Variants in UNC80 observed in about 807,000 individuals in gnomAD.
The protein encoded by UNC80 is unc-80 subunit of NALCN channel complex, also known as protein unc-80 homolog.
Under a neutral mutation model 384.6 loss-of-function variants are expected in UNC80, and 164 were observed. The observed-to-expected ratio is 0.43, with a 90% CI of 0.38 to 0.49. The LOEUF is 0.49. Ranked by LOEUF, UNC80 falls within the 20% of genes least tolerant of loss-of-function variation. The pLI is 0.00. For synonymous variants in UNC80, 1,486 were observed against 1,527.8 expected (o/e 0.97, Z 0.64); for missense variants, 3,330 against 4,143.0 (o/e 0.80, Z 5.39).
rs114792805 is a variant in UNC80, at chr2:209,974,197, G to C, written c.8587+927G>C. Among the ~76,000 whole-genome samples, 1,502 of 152,254 alleles carry C rather than the reference G, an allele frequency of 9.9e-3. 22 individuals carry two copies. The highest frequency in any genetic ancestry group is 0.035 in the African/African-American group (1,445 of 41,528). ...AACACACTGATGAAAATGAGTCCTT[G>C]GAGTTTGGAGTATGGAGGGGTGTTT... On this transcript the variant is annotated intron_variant, in intron 56 of 64. Transcript: ENST00000673920.
chr2:209,850,357 AG>A (rs1243168294), intron 22 of UNC80, among the ~76,000 whole-genome samples: 1 of 152,142 alleles, frequency 6.6e-6, no homozygotes, highest in East Asian at 1.9e-4. Flanking sequence ...CAGGAAAAAA[AG>A]TATTTTATTT....
At chr2:209,904,170 A>G (rs1440041208) in intron 28 of UNC80, among the ~76,000 whole-genome samples, 1 of 152,250 alleles carries the variant, frequency 6.6e-6, no homozygotes, top group Non-Finnish European at 1.5e-5. Context: ...ATTTTGATTT[A>G]GCTACAAGAG....
At chr2:209,971,180 C>T (rs1199129875) in intron 54 of UNC80, among the ~76,000 whole-genome samples, 4 of 152,110 alleles carry the variant, frequency 2.6e-5, no homozygotes, top group Non-Finnish European at 5.9e-5. Context: ...TCATTTAGTC[C>T]TGCCACAACT....
At chr2:209,884,233 T>TC in intron 25 of UNC80, among the ~76,000 whole-genome samples, 1 of 152,336 alleles carries the variant, frequency 6.6e-6, no homozygotes, top group Non-Finnish European at 1.5e-5. Flanking sequence ...CTAAAATGTT[T>TC]CCCAGTTGAA....
intron 4 of UNC80, among the ~76,000 whole-genome samples, chr2:209,784,944 T>G (rs763995946): frequency 6.6e-6 from 1 of 152,200 alleles, no homozygotes; most frequent in South Asian, 2.1e-4. Flanking sequence ...GCCTTTAGGT[T>G]TCTTTTCACT....
chr2:209,911,208 T>G (rs1376566542), intron 29 of UNC80, among the ~76,000 whole-genome samples: 1 of 152,118 alleles, frequency 6.6e-6, no homozygotes, highest in Non-Finnish European at 1.5e-5. Context: ...GTTTTTAGTA[T>G]CTTGACTCTT....
At position 209,784,411 on chromosome 2, in the gene UNC80, ATATTAT is replaced by A. The variant is rs139428172; in HGVS notation, c.601-1653_601-1648del. On this transcript the variant is annotated intron_variant, in intron 4 of 64. Transcript: ENST00000673920. Reference sequence around the variant, plus strand: ...TCCTTATCAAGACCTATCAGGCAGTATATTATTTGACACTCAATGACTTCTCCAATT... The same window carrying A: ...TCCTTATCAAGACCTATCAGGCAGTATTGACACTCAATGACTTCTCCAATT... Among the ~76,000 whole-genome samples, 1,046 of 152,234 alleles carry A rather than the reference ATATTAT, an allele frequency of 6.9e-3. 4 individuals carry two copies. The highest frequency in any genetic ancestry group is 0.012 in the Non-Finnish European group (792 of 67,998).
In UNC80 at chr2:209,842,323, TACTTTCC is replaced by T; in HGVS notation, c.3358-26_3358-20del. On this transcript the variant is annotated intron_variant, in intron 20 of 64. Transcript: ENST00000673920. ...GATTTACCTTTGAATCTTATCTCTCTACTTTCCTTTTTTTTTCTTTTTTCAGGTCAAA... is the reference window on the plus strand; with the variant it reads ...GATTTACCTTTGAATCTTATCTCTCTTTTTTTTTTCTTTTTTCAGGTCAAA... The T allele has an allele frequency of 6.7e-7, 1 of 1,499,054 alleles. No homozygotes were observed. The highest frequency in any genetic ancestry group is 9.0e-7 in the Non-Finnish European group (1 of 1,105,310). 92.9% of individuals were successfully genotyped at this position (1,499,054 alleles called of 1,614,324 possible).
chr2:209,789,784 G>T (rs965067270), intron 6 of UNC80, among the ~76,000 whole-genome samples, 179 bp downstream of exon 6: 2 of 151,496 alleles, frequency 1.3e-5, no homozygotes, highest in African/African-American at 4.8e-5. Flanking sequence ...TTAATTTTCT[G>T]TATCTCCCCA....
chr2:209,782,558 T>G (rs1373608096), intron 4 of UNC80, among the ~76,000 whole-genome samples: 1 of 152,106 alleles, frequency 6.6e-6, no homozygotes, highest in Admixed American at 6.6e-5. Context: ...CTAAATGGTC[T>G]GTTTGTAGGA....
Position 209,798,185 on chromosome 2 carries a change from G to C in UNC80, c.938+4326G>C, listed in dbSNP as rs191785811. Reference sequence around the variant, plus strand: ...TTTAATTAAATCCCATTTGTCAATTGTGGCTTCTGTTGCAATTGCTTTTTG... The same window carrying C: ...TTTAATTAAATCCCATTTGTCAATTCTGGCTTCTGTTGCAATTGCTTTTTG... On this transcript the variant is annotated intron_variant, in intron 7 of 64. Transcript: ENST00000673920. Among the ~76,000 whole-genome samples the C allele has an allele frequency of 7.9e-5, 12 of 152,272 alleles. No homozygotes were observed. The East Asian group carries it at 2.3e-3, about 29-fold the overall frequency.
chr2:209,991,941 G>A (rs1413575150), intron 61 of UNC80, among the ~76,000 whole-genome samples: 2 of 152,178 alleles, frequency 1.3e-5, no homozygotes, highest in Non-Finnish European at 2.9e-5. Flanking sequence ...TACGGCATCA[G>A]TGATTGAAAA....
chr2:209,955,940 C>T (rs906932533), intron 48 of UNC80, among the ~76,000 whole-genome samples: 3 of 151,514 alleles, frequency 2.0e-5, no homozygotes, highest in Admixed American at 6.6e-5. Flanking sequence ...GACGGTGTTT[C>T]CCCATGTTGG....
chr2:209,880,734 G>A (rs1356455804), intron 24 of UNC80, among the ~76,000 whole-genome samples: 1 of 152,098 alleles, frequency 6.6e-6, no homozygotes, highest in Non-Finnish European at 1.5e-5. Context: ...CAAAATGGAG[G>A]GAGAGAGATG....
At chr2:209,842,211 C>T in intron 20 of UNC80, 139 bp from the exon 21 acceptor site, 2 of 622,822 alleles carry the variant, frequency 3.2e-6, no homozygotes, top group Non-Finnish European at 5.4e-6. Flanking sequence ...ACCAAACTAA[C>T]CAGATGTGGA....
At chr2:209,819,549 A>G (rs1251458119) in intron 12 of UNC80, among the ~76,000 whole-genome samples, 1 of 152,154 alleles carries the variant, frequency 6.6e-6, no homozygotes, top group Non-Finnish European at 1.5e-5. Flanking sequence ...TGTGTGTTTA[A>G]TAAGTCTGTT....
chr2:209,855,058 A>G (rs530472807), intron 22 of UNC80, among the ~76,000 whole-genome samples: 2 of 152,366 alleles, frequency 1.3e-5, no homozygotes, highest in South Asian at 2.1e-4. Flanking sequence ...ATGCCCATCA[A>G]TAATAGACCG....
chr2:209,878,347 T>C lies in UNC80; in HGVS notation c.3976+258T>C, dbSNP rs1022571089. On this transcript the variant is annotated intron_variant, in intron 24 of 64. Coordinates refer to ENST00000673920, the MANE Select transcript of UNC80 (RefSeq NM_001371986.1). ...GGAACATTTATTCTTTTCTTGTCTT[T>C]GACAAAACAAATATTGGTATTAGAC... 1.4e-4 allele frequency among the ~76,000 whole-genome samples: 22 copies of C among 152,292 alleles called. 1 individual carries two copies. The highest frequency in any genetic ancestry group is 5.3e-4 in the African/African-American group (22 of 41,564).
chr2:209,873,492 C>A (rs1430403905), intron 23 of UNC80, among the ~76,000 whole-genome samples: 2 of 152,120 alleles, frequency 1.3e-5, no homozygotes, highest in African/African-American at 4.8e-5. Flanking sequence ...CACATAAACA[C>A]ATATTTATGT....
Sources: gnomAD v4.1 joint callset for allele counts (sites outside exome capture counted in the v4.1 genomes callset) on GRCh38, gnomAD v4.1.1 for gene constraint, MANE v1.5 for transcripts, NCBI Gene and HGNC (gene_info 2026-07-23, HGNC 2026-07-21) for gene names.